Variants in KLHL32 observed in about 807,000 individuals in gnomAD.
KLHL32 encodes kelch like family member 32, also known as kelch-like protein 32.
Under a neutral mutation model 64.8 loss-of-function variants are expected in KLHL32, and 35 were observed. That is an observed-to-expected ratio of 0.54 (90% CI 0.41 to 0.72). The LOEUF is 0.72. Ranked by LOEUF, KLHL32 falls within the 30% of genes least tolerant of loss-of-function variation. The probability of loss-of-function intolerance (pLI) is 0.00; values close to 1 mark genes in which losing one functional copy is unlikely to be tolerated. For missense variants in KLHL32, 589 were observed against 768.5 expected (o/e 0.77, Z 2.76); for synonymous variants, 259 against 281.0 (o/e 0.92, Z 0.78).
At chr6:97,059,114 C>G (rs990751202) in intron 4 of KLHL32, among the ~76,000 whole-genome samples, 4 of 152,112 alleles carry the variant, frequency 2.6e-5, no homozygotes, top group Admixed American at 6.5e-5. Context: ...ATTAGTTCAC[C>G]AGATGTCTGT....
At chr6:97,048,867 T>C (rs1201985247) in intron 4 of KLHL32, among the ~76,000 whole-genome samples, 1 of 152,232 alleles carries the variant, frequency 6.6e-6, no homozygotes, top group African/African-American at 2.4e-5. Flanking sequence ...GGAGCAAACA[T>C]GGGAGAAAAT....
intron 3 of KLHL32, among the ~76,000 whole-genome samples, chr6:97,013,763 C>G (rs1780721630): frequency 6.6e-6 from 1 of 152,172 alleles, no homozygotes; most frequent in East Asian, 1.9e-4. Flanking sequence ...ATGATTATCA[C>G]CTACTAAGGC....
intron 10 of KLHL32, among the ~76,000 whole-genome samples, chr6:97,133,812 T>C (rs1001871928): frequency 6.6e-6 from 1 of 152,174 alleles, no homozygotes; most frequent in Admixed American, 6.5e-5. Flanking sequence ...AAAATATAAT[T>C]AACAAGCTTG....
intron 4 of KLHL32, among the ~76,000 whole-genome samples, chr6:97,056,777 G>A (rs1479123009): frequency 1.1e-4 from 17 of 152,160 alleles, no homozygotes; most frequent in African/African-American, 3.6e-4. Flanking sequence ...AGTGGGTCAC[G>A]ACCATAGTCT....
intron 3 of KLHL32, among the ~76,000 whole-genome samples, chr6:97,007,153 A>G (rs1219079984): frequency 2.0e-5 from 3 of 151,898 alleles, no homozygotes; most frequent in Admixed American, 6.6e-5. Context: ...TGGTCTCTTT[A>G]CATTATCCCA....
chr6:97,081,687 T>C (rs1188971895), intron 5 of KLHL32, among the ~76,000 whole-genome samples: 3 of 152,240 alleles, frequency 2.0e-5, no homozygotes, highest in East Asian at 1.9e-4. Context: ...ATCCCTGTTA[T>C]GGACACTCAT....
chr6:97,135,305 T>C (rs1459633277), intron 10 of KLHL32, among the ~76,000 whole-genome samples: 5 of 98,886 alleles, frequency 5.1e-5, no homozygotes, highest in Admixed American at 1.9e-4. Context: ...GTTAATTTTT[T>C]TTTTTTTTTT....
intron 4 of KLHL32, among the ~76,000 whole-genome samples, chr6:97,061,509 A>G (rs192661090): frequency 6.6e-6 from 1 of 152,290 alleles, no homozygotes; most frequent in Admixed American, 6.5e-5. Flanking sequence ...GGCCACTCAC[A>G]TTAGCTCCTA....
chr6:96,966,751 T>A (rs1238454499), intron 1 of KLHL32, among the ~76,000 whole-genome samples: 1 of 152,230 alleles, frequency 6.6e-6, no homozygotes, highest in Non-Finnish European at 1.5e-5. Context: ...ACTTAATTAC[T>A]ATTGTTGATT....
intron 4 of KLHL32, among the ~76,000 whole-genome samples, chr6:97,053,111 C>T (rs1406766954): frequency 6.6e-6 from 1 of 152,118 alleles, no homozygotes; most frequent in Non-Finnish European, 1.5e-5. Context: ...CACGCACACA[C>T]ATTCTCTCCT....
In KLHL32 at chr6:97,139,249, T is replaced by TC; in HGVS notation, c.1831dup (p.Gln611ProfsTer23). Reference sequence around the variant, plus strand: ...TTACATGCCCTAACCTTCAAACTCTTCAAGTGCCTCATCACAGGATTGGCA... The same window carrying TC: ...TTACATGCCCTAACCTTCAAACTCTTCCAAGTGCCTCATCACAGGATTGGCA... On this transcript the variant is annotated frameshift_variant, in exon 11 of 11. Transcript: ENST00000369261. LOFTEE classifies it high-confidence loss of function. The TC allele has an allele frequency of 6.2e-7, 1 of 1,613,968 alleles. No individual in the cohort carries two copies. Among genetic ancestry groups the TC allele is most frequent in the Non-Finnish European group, 8.5e-7 (1 of 1,179,932 alleles).
intron 3 of KLHL32, among the ~76,000 whole-genome samples, chr6:96,992,704 C>A (rs1429443239): frequency 2.0e-5 from 3 of 152,238 alleles, no homozygotes; most frequent in African/African-American, 7.2e-5. Flanking sequence ...CAATGCCCCT[C>A]ATACTCTAAT....
At chr6:96,918,821 AG>A in the KLHL32 span, among the ~76,000 whole-genome samples, 1 of 152,232 alleles carries the variant, frequency 6.6e-6, no homozygotes, top group South Asian at 2.1e-4. Flanking sequence ...GTTTTGAAGC[AG>A]TAATGGGGCA....
chr6:97,049,675 G>C (rs1006473479), intron 4 of KLHL32, among the ~76,000 whole-genome samples: 2 of 152,156 alleles, frequency 1.3e-5, no homozygotes, highest in Admixed American at 1.3e-4. Flanking sequence ...TCCATAACTG[G>C]AGTGTTGACA....
intron 3 of KLHL32, among the ~76,000 whole-genome samples, chr6:97,010,716 A>C (rs1190604102): frequency 6.6e-6 from 1 of 152,196 alleles, no homozygotes; most frequent in East Asian, 1.9e-4. Flanking sequence ...AAATCTTGCT[A>C]CCTAGGGAAG....
intron 3 of KLHL32, among the ~76,000 whole-genome samples, chr6:96,981,935 T>C (rs941665130): frequency 6.6e-6 from 1 of 152,130 alleles, no homozygotes; most frequent in Non-Finnish European, 1.5e-5. Context: ...TAATGTCAGT[T>C]TTTTTTAATT....
chr6:96,987,379 G>A (rs1777241369), intron 3 of KLHL32, among the ~76,000 whole-genome samples: 1 of 152,066 alleles, frequency 6.6e-6, no homozygotes, highest in Non-Finnish European at 1.5e-5. Flanking sequence ...ACACTGCTTT[G>A]AATGTGTCCC....
intron 1 of KLHL32, among the ~76,000 whole-genome samples, chr6:96,929,412 G>A (rs1169054030): frequency 6.6e-6 from 1 of 152,204 alleles, no homozygotes; most frequent in Non-Finnish European, 1.5e-5. Context: ...CTATGTCTCT[G>A]TGCCAGGCAG....
intron 6 of KLHL32, among the ~76,000 whole-genome samples, chr6:97,107,317 G>A (rs1203884125): frequency 1.3e-5 from 2 of 151,950 alleles, no homozygotes; most frequent in Admixed American, 1.3e-4. Flanking sequence ...GTTATGTTTG[G>A]ACTTAGTGCA....
Sources: gnomAD v4.1 joint callset for allele counts (sites outside exome capture counted in the v4.1 genomes callset) on GRCh38, gnomAD v4.1.1 for gene constraint, MANE v1.5 for transcripts, NCBI Gene and HGNC (gene_info 2026-07-23, HGNC 2026-07-21) for gene names.